Variants in HRH1 observed in about 807,000 individuals in gnomAD.
HRH1 encodes the protein histamine receptor H1.
In HRH1, 6 loss-of-function variants were observed where a neutral mutation model predicts 10.3. The observed-to-expected ratio is 0.58, with a 90% CI of 0.32 to 1.15. The LOEUF is 1.15. Ranked by LOEUF, HRH1 falls within the 50% of genes most tolerant of loss-of-function variation. HRH1 has a pLI of 0.05. For missense variants in HRH1, 514 were observed against 615.3 expected, an observed-to-expected ratio of 0.84 and a Z score of 1.74; for synonymous variants, 242 against 236.7, an observed-to-expected ratio of 1.02 and a Z score of -0.21.
chr3:11,187,100 C>A (rs1374008003), intron 1 of HRH1, among the ~76,000 whole-genome samples: 1 of 152,168 alleles, frequency 6.6e-6, no homozygotes, highest in Non-Finnish European at 1.5e-5. Context: ...CTTTCCCAAG[C>A]CTCAGAGGAG....
intron 1 of HRH1, among the ~76,000 whole-genome samples, chr3:11,148,729 C>CACCTTGCT (rs1363155559): frequency 6.6e-6 from 1 of 151,906 alleles, no homozygotes; most frequent in Non-Finnish European, 1.5e-5. Context: ...CACGTGGCTG[C>CACCTTGCT]ACCTTGCTAC....
exon 1 of HRH1, chr3:11,137,336 GAGAAATGAACTACA>G (rs1322260561): frequency 1.3e-5 from 2 of 152,368 alleles, no homozygotes; most frequent in Admixed American, 1.3e-4. Context: ...TGCACTGATG[GAGAAATGAACTACA>G]AGAAGCAAGC....
chr3:11,232,123 G>A (rs1167205570), intron 1 of HRH1, among the ~76,000 whole-genome samples: 1 of 151,968 alleles, frequency 6.6e-6, no homozygotes. Context: ...AAGTAGCTGG[G>A]AATACAGGTG....
chr3:11,197,973 C>A (rs1267217533), intron 1 of HRH1, among the ~76,000 whole-genome samples: 2 of 152,226 alleles, frequency 1.3e-5, no homozygotes, highest in East Asian at 3.9e-4. Context: ...GCGGAGGCTG[C>A]GCTCGACTCT....
At chr3:11,237,573 A>AAGGATTAAACGATTG (rs202032173) in intron 1 of HRH1, among the ~76,000 whole-genome samples, 1 of 151,974 alleles carries the variant, frequency 6.6e-6, no homozygotes, top group Non-Finnish European at 1.5e-5. Context: ...GTAAACGATT[A>AAGGATTAAACGATTG]AGGATTAAAC....
intron 1 of HRH1, chr3:11,226,156 T>C (rs1440707313): frequency 6.6e-6 from 1 of 152,138 alleles, no homozygotes; most frequent in Non-Finnish European, 1.5e-5. Flanking sequence ...AAGCTCTGTG[T>C]GATGGGTCGA....
chr3:11,168,229 C>T (rs1447637763), intron 1 of HRH1, among the ~76,000 whole-genome samples: 1 of 152,016 alleles, frequency 6.6e-6, no homozygotes, highest in Non-Finnish European at 1.5e-5. Context: ...TGGCAGGGCA[C>T]AGTGAGTGAG....
intron 1 of HRH1, among the ~76,000 whole-genome samples, chr3:11,242,612 A>G (rs905119527): frequency 4.0e-5 from 6 of 151,652 alleles, no homozygotes; most frequent in African/African-American, 1.5e-4. Flanking sequence ...CTCAAGATAC[A>G]TTTAGTTCCC....
At chr3:11,161,099 A>G (rs1482016880) in intron 1 of HRH1, among the ~76,000 whole-genome samples, 1 of 152,028 alleles carries the variant, frequency 6.6e-6, no homozygotes, top group Admixed American at 6.5e-5. Flanking sequence ...ACTAAATGTC[A>G]TTCTCCTCCT....
At chr3:11,206,694 AG>A (rs994257467) in intron 1 of HRH1, among the ~76,000 whole-genome samples, 4 of 152,252 alleles carry the variant, frequency 2.6e-5, no homozygotes, top group East Asian at 1.9e-4. Context: ...ACAGCTGGCA[AG>A]GGGTGCCCCC....
chr3:11,150,975 G>A (rs558873713), upstream of HRH1, among the ~76,000 whole-genome samples: 22 of 152,312 alleles, frequency 1.4e-4, no homozygotes, highest in South Asian at 4.4e-3. Context: ...TGCCTCTCCA[G>A]GACCCCTGTT....
intron 1 of HRH1, among the ~76,000 whole-genome samples, chr3:11,165,881 T>G (rs1937021075): frequency 6.6e-6 from 1 of 152,252 alleles, no homozygotes. Flanking sequence ...CGAGTTTTCT[T>G]GGCATCACCT....
chr3:11,222,975 A>C (rs1938757682), intron 1 of HRH1, among the ~76,000 whole-genome samples: 1 of 152,004 alleles, frequency 6.6e-6, no homozygotes, highest in Admixed American at 6.6e-5. Flanking sequence ...TCATGAGGTC[A>C]AGAGATCAAG....
chr3:11,241,272 C>G (rs981189402), intron 1 of HRH1, among the ~76,000 whole-genome samples: 1 of 131,118 alleles, frequency 7.6e-6, no homozygotes, highest in African/African-American at 2.9e-5. Context: ...TTGTCCTGTA[C>G]AAACAAACCA....
chr3:11,237,789 C>A (rs1419699890), intron 1 of HRH1, among the ~76,000 whole-genome samples: 1 of 149,834 alleles, frequency 6.7e-6, no homozygotes, highest in Non-Finnish European at 1.5e-5. Context: ...AATTCTCCTG[C>A]CTCAGCCTCC....
chr3:11,169,873 A>T (rs114030595), intron 1 of HRH1, among the ~76,000 whole-genome samples: 2,896 of 151,932 alleles, frequency 0.019, 39 homozygotes, highest in Non-Finnish European at 0.026. Flanking sequence ...CAATAACTAG[A>T]TCCCTTTTTG....
chr3:11,212,164 A>G (rs1938349251), intron 1 of HRH1, among the ~76,000 whole-genome samples: 1 of 152,236 alleles, frequency 6.6e-6, no homozygotes. Flanking sequence ...GAATTGCGAC[A>G]GGAATAAGGA....
chr3:11,160,507 A>C (rs1306126517), intron 1 of HRH1, among the ~76,000 whole-genome samples: 17 of 152,142 alleles, frequency 1.1e-4, no homozygotes, highest in Admixed American at 1.1e-3. Flanking sequence ...TTGGGTTTTG[A>C]AGAAAGATAA....
intron 1 of HRH1, among the ~76,000 whole-genome samples, chr3:11,160,334 G>C (rs1294468953): frequency 6.6e-6 from 1 of 152,130 alleles, no homozygotes; most frequent in Non-Finnish European, 1.5e-5. Context: ...TTTTAATAAA[G>C]TGCCAGGCAC....
Sources: gnomAD v4.1 joint callset for allele counts (sites outside exome capture counted in the v4.1 genomes callset) on GRCh38, gnomAD v4.1.1 for gene constraint, MANE v1.5 for transcripts, NCBI Gene and HGNC (gene_info 2026-07-23, HGNC 2026-07-21) for gene names.